TGFBR3: variants seen among roughly 807,000 people sequenced by gnomAD.
TGFBR3 encodes transforming growth factor beta receptor 3, also known as transforming growth factor beta receptor type 3.
A neutral mutation model predicts 87.9 loss-of-function variants in TGFBR3; 46 were observed. The ratio of observed to expected loss-of-function variants is 0.52; its 90% CI spans 0.41 to 0.67. TGFBR3 has a LOEUF of 0.67. Among genes scored for constraint, TGFBR3 ranks in the 30% least tolerant of loss-of-function variants. The pLI, the probability that TGFBR3 is intolerant of heterozygous loss-of-function variation, is 0.00. For missense variants in TGFBR3, 866 were observed against 1,041.9 expected, an observed-to-expected ratio of 0.83 and a Z score of 2.32; for synonymous variants, 381 against 391.6, an observed-to-expected ratio of 0.97 and a Z score of 0.32.
chr1:91,733,146 G>T (rs1486646809), intron 5 of TGFBR3, among the ~76,000 whole-genome samples: 1 of 152,138 alleles, frequency 6.6e-6, no homozygotes, highest in Non-Finnish European at 1.5e-5. Flanking sequence ...CCTCCTCTAA[G>T]TCCCCTTCTC....
Position 91,712,281 on chromosome 1 carries a change from A to G in TGFBR3, c.2128T>C (p.Cys710Arg). ...LLFLQCELTL[C>R]TKMEKHPQKL... ...TGGGGGTGCTTCTCCATCTTCGTACACAGCGTCAGCTCACACTGTAGAAAG... is the reference window on the plus strand; with the variant it reads ...TGGGGGTGCTTCTCCATCTTCGTACGCAGCGTCAGCTCACACTGTAGAAAG... Residue 710 changes from cysteine (C) to arginine (R), a missense_variant, in exon 13 of 17, where the codon TGT (cysteine) becomes CGT (arginine). Physicochemically the swap from Cys to Arg is radical, Grantham distance 180 (BLOSUM62 -3). Transcript: ENST00000212355. The G allele has an allele frequency of 6.2e-7, 1 of 1,614,206 alleles. No individual in the cohort carries two copies.
intron 4 of TGFBR3, among the ~76,000 whole-genome samples, chr1:91,737,165 G>A (rs1557684510): frequency 6.6e-6 from 1 of 152,078 alleles, no homozygotes. Context: ...ATTTGGAACT[G>A]GAGTTAACTG....
intron 4 of TGFBR3, among the ~76,000 whole-genome samples, chr1:91,745,555 G>A (rs1055213758): frequency 1.3e-5 from 2 of 152,112 alleles, no homozygotes; most frequent in African/African-American, 4.8e-5. Flanking sequence ...ATGTATTTTG[G>A]ACACACAAAG....
chr1:91,885,905 C>A lies in TGFBR3; in HGVS notation c.-141G>T. ...CGGAGGCGGTGTGTCCAGCGGAGAT[C>A]CACCCGCAGCAAGTTGGAGGAAAGC... On this transcript the variant is annotated 5_prime_UTR_variant, in exon 1 of 17. Coordinates refer to ENST00000212355, the MANE Select transcript of TGFBR3 (RefSeq NM_003243.5). 4.7e-6 allele frequency: 2 copies of A among 429,154 alleles called. No homozygotes were observed. The highest frequency in any genetic ancestry group is 1.7e-5 in the South Asian group (1 of 58,584). The allele number at this position is 429,154 out of a possible 1,614,324, so 26.6% of individuals were successfully genotyped here. A position where few individuals can be genotyped will look rare whatever the true frequency, so the allele number is the denominator to read the frequency against.
intron 16 of TGFBR3, among the ~76,000 whole-genome samples, chr1:91,686,799 C>T (rs1417362885): frequency 6.6e-6 from 1 of 152,132 alleles, no homozygotes; most frequent in Non-Finnish European, 1.5e-5. Flanking sequence ...CTAAAACATC[C>T]CTTGGGTGAC....
intron 4 of TGFBR3, among the ~76,000 whole-genome samples, chr1:91,753,460 ACATAC>A (rs1673628612): frequency 6.6e-6 from 1 of 150,944 alleles, no homozygotes; most frequent in African/African-American, 2.4e-5. Flanking sequence ...AATACAGTCC[ACATAC>A]CATAATATTC....
chr1:91,812,347 C>T (rs1319667264), intron 2 of TGFBR3, among the ~76,000 whole-genome samples: 2 of 152,112 alleles, frequency 1.3e-5, no homozygotes, highest in African/African-American at 4.8e-5. Flanking sequence ...TCCACATAAG[C>T]AAATTATCCA....
At chr1:91,764,942 C>G (rs1262356355) in intron 3 of TGFBR3, among the ~76,000 whole-genome samples, 1 of 152,144 alleles carries the variant, frequency 6.6e-6, no homozygotes, top group Non-Finnish European at 1.5e-5. Flanking sequence ...TAATGAACTG[C>G]TTAGATCAAG....
chr1:91,729,707 G>A, intron 6 of TGFBR3, 98 bp downstream of exon 6: 1 of 1,397,794 alleles, frequency 7.2e-7, no homozygotes, highest in Admixed American at 1.7e-5. Flanking sequence ...CTCCTGCGTA[G>A]GGGAGGGTGT....
At chr1:91,695,643 A>G in intron 16 of TGFBR3, 29 bp downstream of exon 16, 2 of 1,568,098 alleles carry the variant, frequency 1.3e-6, no homozygotes, top group Non-Finnish European at 1.8e-6. Flanking sequence ...CAAGCTGTTC[A>G]CCAACTCTTA....
intron 3 of TGFBR3, among the ~76,000 whole-genome samples, chr1:91,770,173 C>T (rs953963838): frequency 5.3e-5 from 8 of 151,784 alleles, no homozygotes; most frequent in Admixed American, 2.0e-4. Flanking sequence ...AAATGTATGC[C>T]ATTATATCAA....
intron 3 of TGFBR3, among the ~76,000 whole-genome samples, chr1:91,770,627 A>C (rs905532173): frequency 3.5e-4 from 53 of 152,230 alleles, no homozygotes; most frequent in Admixed American, 2.7e-3. Flanking sequence ...GGTCTACCTG[A>C]GTAATCTTAC....
chr1:91,850,743 T>C (rs888989769), intron 2 of TGFBR3, among the ~76,000 whole-genome samples: 1 of 139,444 alleles, frequency 7.2e-6, no homozygotes, highest in Non-Finnish European at 1.5e-5. Flanking sequence ...ACTGCACTAC[T>C]GCACTCCAGC....
intron 3 of TGFBR3, among the ~76,000 whole-genome samples, chr1:91,790,928 C>T (rs1290502875): frequency 6.6e-6 from 1 of 152,094 alleles, no homozygotes; most frequent in Non-Finnish European, 1.5e-5. Flanking sequence ...ACTGTATTAT[C>T]TGAATCTCGA....
At position 91,681,860 on chromosome 1, in the gene TGFBR3, G is replaced by A. The variant is rs553301669; in HGVS notation, c.*1879C>T. On this transcript the variant is annotated 3_prime_UTR_variant, in exon 17 of 17. Transcript: ENST00000212355. ...GCAAAGCGCAATATTTTCAAACACAGGTAGCGTAATCTAGGTCCTCCACTC... is the reference window on the plus strand; with the variant it reads ...GCAAAGCGCAATATTTTCAAACACAAGTAGCGTAATCTAGGTCCTCCACTC... The A allele has an allele frequency of 2.2e-6, 1 of 453,128 alleles. No homozygotes were observed. The highest frequency in any genetic ancestry group is 2.0e-5 in the African/African-American group (1 of 49,956). The allele number at this position is 453,128 out of a possible 1,614,324, so 28.1% of individuals were successfully genotyped here. A position where few individuals can be genotyped will look rare whatever the true frequency, so the allele number is the denominator to read the frequency against.
At position 91,795,494 on chromosome 1, in the gene TGFBR3, C is replaced by T. The variant is rs189733271; in HGVS notation, c.246+1793G>A. 9.9e-5 allele frequency among the ~76,000 whole-genome samples: 15 copies of T among 152,236 alleles called. No individual in the cohort carries two copies. The East Asian group carries it at 1.4e-3, about 14-fold the overall frequency. ...GCAGGAGAGCTCTGCTGTCACTCCT[C>T]GAGGTATTTTTCTCTTGTTTCAGTA... On this transcript the variant is annotated intron_variant, in intron 3 of 16. Transcript: ENST00000212355.
chr1:91,767,005 G>A (rs547279220), intron 3 of TGFBR3, among the ~76,000 whole-genome samples: 1 of 133,858 alleles, frequency 7.5e-6, no homozygotes, highest in Admixed American at 7.6e-5. Context: ...TCCTGTGGGA[G>A]ATGGATTTGA....
intron 12 of TGFBR3, among the ~76,000 whole-genome samples, chr1:91,713,287 G>A (rs1672050372): frequency 1.3e-5 from 2 of 152,180 alleles, no homozygotes; most frequent in African/African-American, 4.8e-5. Context: ...ACTTGTATGG[G>A]CTACGTCCAA....
At chr1:91,886,332 C>A (rs1679317053), upstream of TGFBR3, 34 of 366,486 alleles carry the variant, frequency 9.3e-5, no homozygotes, top group South Asian at 6.5e-4. Flanking sequence ...CCTCTCTCCT[C>A]CCCCTTTGCC....
Sources: allele counts gnomAD v4.1 joint callset (sites outside exome capture counted in the v4.1 genomes callset), GRCh38; gene constraint gnomAD v4.1.1; transcripts MANE v1.5; gene names NCBI Gene and HGNC (gene_info 2026-07-23, HGNC 2026-07-21).